The following C17orf99 variants were observed in gnomAD, a reference collection of about 807,000 sequenced individuals.
C17orf99 encodes the protein chromosome 17 open reading frame 99.
C17orf99 carries 18 observed loss-of-function variants against 22.6 expected under a neutral mutation model. The ratio of observed to expected loss-of-function variants is 0.80; its 90% CI spans 0.55 to 1.18. The LOEUF is 1.18. Among genes scored for constraint, C17orf99 ranks in the 50% most tolerant of loss-of-function variants. C17orf99 has a pLI of 0.00. For synonymous variants in C17orf99, 147 were observed against 136.6 expected (o/e 1.08, Z -0.53); for missense variants, 328 against 342.7 (o/e 0.96, Z 0.34).
rs1005541902 is a variant in C17orf99, at chr17:78,157,884, T to C, written c.71-3071T>C. 74 of 1,150,366 alleles carry C rather than the reference T, an allele frequency of 6.4e-5. 1 individual carries two copies. The Admixed American group carries it at 1.2e-3, about 18-fold the overall frequency. The allele number at this position is 1,150,366 out of a possible 1,614,324, so 71.3% of individuals were successfully genotyped here. ...AAGATCGTCGAGATGTCTACTTCGA[T>C]GACTGGCAAGCACGGCCATGCCAAG... On this transcript the variant is annotated intron_variant, in intron 2 of 4. Coordinates refer to ENST00000340363, the MANE Select transcript of C17orf99 (RefSeq NM_001163075.2).
chr17:78,149,773 A>C (rs987867809), intron 2 of C17orf99, among the ~76,000 whole-genome samples: 1 of 151,246 alleles, frequency 6.6e-6, no homozygotes, highest in Non-Finnish European at 1.5e-5. Context: ...GCAGTGGTGC[A>C]ATCTCGGCTC....
intron 3 of C17orf99, 92 bp downstream of exon 3, chr17:78,161,346 G>T (rs2075575197): frequency 2.6e-6 from 3 of 1,147,162 alleles, no homozygotes; most frequent in Non-Finnish European, 3.7e-6. Context: ...CCTTGCTGGG[G>T]TTAGAGAGAG....
rs183531125 is a variant in C17orf99, at chr17:78,149,686, A to T, written c.70+2775A>T. ...GTACCTGGGACTACAGGCACACGCC[A>T]TCACACCCAGCTAATATTTAATTTA... On this transcript the variant is annotated intron_variant, in intron 2 of 4. Transcript: ENST00000340363. Among the ~76,000 whole-genome samples, 530 of 151,594 alleles carry T rather than the reference A, an allele frequency of 3.5e-3. 4 individuals are homozygous for T. Among genetic ancestry groups the T allele is most frequent in the African/African-American group, 0.012 (503 of 41,356 alleles).
chr17:78,159,308 T>G (rs9900893), intron 2 of C17orf99, among the ~76,000 whole-genome samples: 75,827 of 151,758 alleles, frequency 0.5, 19,304 homozygotes, highest in Middle Eastern at 0.61. Context: ...CTGCACTCCA[T>G]TCTGGACGAC....
intron 2 of C17orf99, among the ~76,000 whole-genome samples, chr17:78,152,241 C>T (rs571304465): frequency 9.2e-5 from 14 of 152,098 alleles, no homozygotes; most frequent in East Asian, 1.9e-4. Flanking sequence ...TGCAGTGGCG[C>T]GATTACAGCT....
intron 2 of C17orf99, among the ~76,000 whole-genome samples, chr17:78,151,879 G>A (rs1598942603): frequency 6.6e-6 from 1 of 152,286 alleles, no homozygotes; most frequent in African/African-American, 2.4e-5. Context: ...TAGGTCTAAT[G>A]AGTTGCAACC....
At chr17:78,150,224 G>A (rs562089203) in intron 2 of C17orf99, among the ~76,000 whole-genome samples, 22 of 151,570 alleles carry the variant, frequency 1.5e-4, no homozygotes, top group African/African-American at 3.2e-4. Context: ...TGCCAGGCTC[G>A]TCTCAGACTC....
intron 2 of C17orf99, among the ~76,000 whole-genome samples, chr17:78,156,476 T>G (rs1458378226): frequency 2.6e-5 from 4 of 151,972 alleles, no homozygotes; most frequent in Non-Finnish European, 5.9e-5. Context: ...AGCAGATACC[T>G]GGCGTAGGTG....
chr17:78,146,705 G>A lies in C17orf99; in HGVS notation c.38-174G>A. ...TGGGCGGATGAGAGGCGATGTTGTG[G>A]GGGGAGGGGCGCAAAAGAGCTTTTG... On this transcript the variant is annotated intron_variant, in intron 1 of 4. Transcript: ENST00000340363. The surrounding 1 kb of genome is among the most constrained non-coding windows in gnomAD (Gnocchi z 5.2). 5 of 684,160 alleles carry A rather than the reference G, an allele frequency of 7.3e-6. No homozygotes were observed. Among genetic ancestry groups the A allele is most frequent in the South Asian group, 3.7e-5 (2 of 54,774 alleles). The allele number at this position is 684,160 out of a possible 1,614,324, so 42.4% of individuals were successfully genotyped here.
At chr17:78,149,395 C>T (rs990035390) in intron 2 of C17orf99, among the ~76,000 whole-genome samples, 3 of 144,762 alleles carry the variant, frequency 2.1e-5, no homozygotes, top group Admixed American at 6.8e-5. Context: ...GAAGGACTGG[C>T]TAAATAAAGT....
chr17:78,165,855 C>A, intron 4 of C17orf99, 34 bp from the exon 5 acceptor site: 1 of 1,290,912 alleles, frequency 7.7e-7, no homozygotes, highest in Non-Finnish European at 9.9e-7. Flanking sequence ...GGGAGGTGAG[C>A]CTGCCTGACT....
chr17:78,153,918 C>CTTTTTTTTT (rs532705146), intron 2 of C17orf99, among the ~76,000 whole-genome samples: 2 of 79,542 alleles, frequency 2.5e-5, no homozygotes, highest in African/African-American at 5.5e-5. Flanking sequence ...AGTATTCCTT[C>CTTTTTTTTT]TTTTTTTTTT....
chr17:78,146,247 G>C (rs2075436498), upstream of C17orf99: 1 of 594,614 alleles, frequency 1.7e-6, no homozygotes, highest in East Asian at 2.9e-5. This position sits in a 1 kb window ranked among gnomAD's most constrained non-coding sequence, Gnocchi z 5.2. Flanking sequence ...GGGCTCTCTG[G>C]GCCCCGCCCT....
chr17:78,155,752 G>C (rs2145783143), intron 2 of C17orf99, among the ~76,000 whole-genome samples: 1 of 152,064 alleles, frequency 6.6e-6, no homozygotes, highest in South Asian at 2.1e-4. Flanking sequence ...TCAGTCTTCT[G>C]AGTAGCTGGG....
Position 78,160,745 on chromosome 17 carries a change from G to T in C17orf99, c.71-210G>T, listed in dbSNP as rs528912120. 5 of 565,842 alleles carry T rather than the reference G, an allele frequency of 8.8e-6. 1 individual carries two copies. The highest frequency in any genetic ancestry group is 6.2e-5 in the Admixed American group (2 of 32,126). The allele number at this position is 565,842 out of a possible 1,614,324, so 35.1% of individuals were successfully genotyped here. A position where few individuals can be genotyped will look rare whatever the true frequency, so the allele number is the denominator to read the frequency against. On this transcript the variant is annotated intron_variant, in intron 2 of 4. Transcript: ENST00000340363. The stretch of plus-strand genomic sequence containing the variant: ...ATTACAGGTGGGCACCACCACGCCC[G>T]GCTAATTTTTGTATTTTAGTAGAGA...
intron 2 of C17orf99, among the ~76,000 whole-genome samples, chr17:78,148,816 A>C (rs901354447): frequency 6.6e-6 from 1 of 152,092 alleles, no homozygotes; most frequent in East Asian, 1.9e-4. Context: ...GGAGGTTTGG[A>C]GGGGAAAACG....
intron 2 of C17orf99, among the ~76,000 whole-genome samples, chr17:78,149,956 A>G (rs1442251836): frequency 6.6e-5 from 10 of 150,756 alleles, no homozygotes; most frequent in South Asian, 2.1e-4. Context: ...TGATCTGCCC[A>G]CCTTGGCCTC....
At position 78,164,639 on chromosome 17, in the gene C17orf99, G is replaced by A; in HGVS notation, c.640+275G>A. The stretch of plus-strand genomic sequence containing the variant: ...CCACTGCGGCCATCACCTCCAGGAT[G>A]CTGGGCTGGACCACGTGGGCCAGGT... On this transcript the variant is annotated intron_variant, in intron 4 of 4. Coordinates refer to ENST00000340363, the MANE Select transcript of C17orf99 (RefSeq NM_001163075.2). The A allele has an allele frequency of 2.7e-6, 4 of 1,485,044 alleles. No homozygotes were observed. In the African/African-American group the frequency reaches 4.2e-5, roughly 15 times the overall value. 92.0% of individuals were successfully genotyped at this position (1,485,044 alleles called of 1,614,324 possible).
chr17:78,160,849 T>G, intron 2 of C17orf99, 106 bp from the exon 3 acceptor site: 1 of 865,460 alleles, frequency 1.2e-6, no homozygotes, highest in South Asian at 1.7e-5. Flanking sequence ...TCCCAAACAC[T>G]GGGATTACAG....
Sources: gnomAD v4.1 joint callset for allele counts (sites outside exome capture counted in the v4.1 genomes callset) on GRCh38, gnomAD v4.1.1 for gene constraint, Gnocchi (gnomAD v3.1) non-coding constraint, MANE v1.5 for transcripts, NCBI Gene and HGNC (gene_info 2026-07-23, HGNC 2026-07-21) for gene names.